LEKR1: variants seen among roughly 807,000 people sequenced by gnomAD.
The protein encoded by LEKR1 is leucine, glutamate and lysine rich 1, also known as protein LEKR1.
A neutral mutation model predicts 72.4 loss-of-function variants in LEKR1; 59 were observed. The ratio of observed to expected loss-of-function variants is 0.82; its 90% CI spans 0.66 to 1.01. LEKR1 has a LOEUF of 1.01. Ranked by LOEUF, LEKR1 falls within the 50% of genes least tolerant of loss-of-function variation. LEKR1 has a pLI of 0.00. For synonymous variants in LEKR1, 257 were observed against 263.2 expected, an observed-to-expected ratio of 0.98 and a Z score of 0.23; for missense variants, 728 against 759.2, an observed-to-expected ratio of 0.96 and a Z score of 0.48.
chr3:156,932,164 G>C (rs1315919617), intron 5 of LEKR1, among the ~76,000 whole-genome samples: 1 of 152,028 alleles, frequency 6.6e-6, no homozygotes, highest in Non-Finnish European at 1.5e-5. Context: ...AATATTAATT[G>C]TAGAATCTAA....
chr3:156,861,630 A>T (rs1716770888), intron 3 of LEKR1, among the ~76,000 whole-genome samples: 1 of 152,096 alleles, frequency 6.6e-6, no homozygotes, highest in Non-Finnish European at 1.5e-5. Flanking sequence ...AACGTTGAGT[A>T]CCATTGTGGA....
chr3:156,924,380 A>T, intron 4 of LEKR1: 1 of 496,436 alleles, frequency 2.0e-6, no homozygotes. Flanking sequence ...CCTTTATATG[A>T]ACTATGATTT....
At chr3:156,897,312 G>C (rs373058863) in intron 3 of LEKR1, among the ~76,000 whole-genome samples, 1 of 152,132 alleles carries the variant, frequency 6.6e-6, no homozygotes, top group Non-Finnish European at 1.5e-5. Flanking sequence ...TTAGTGTGTT[G>C]ATGGAAAGGG....
chr3:157,017,948 C>CAAAAAAAAAAAAAAAAAAAAAAAAAAAAA (rs58950224), intron 10 of LEKR1, among the ~76,000 whole-genome samples: 1 of 82,990 alleles, frequency 1.2e-5, no homozygotes, highest in African/African-American at 7.2e-5. Context: ...GACTCTGTCT[C>CAAAAAAAAAAAAAAAAAAAAAAAAAAAAA]AAAAAAAAAA....
Position 156,993,109 on chromosome 3 carries a change from T to C in LEKR1, c.941T>C (p.Leu314Ser), listed in dbSNP as rs1428286621. ...TMLLKEKEDS[L>S]MTCQQIYKAL... is the part of the protein sequence containing the mutation. ...CTGCTTAAGGAAAAAGAAGACTCTTTAATGACTTGTCAACAGATATATAAA... is the reference window on the plus strand; with the variant it reads ...CTGCTTAAGGAAAAAGAAGACTCTTCAATGACTTGTCAACAGATATATAAA... The change falls in exon 9 of 13, where the codon TTA becomes TCA. Residue 314 changes from leucine (L) to serine (S), a missense_variant. Transcript: ENST00000356539. The C allele has an allele frequency of 1.2e-6, 2 of 1,607,632 alleles. No individual in the cohort carries two copies. Among genetic ancestry groups the C allele is most frequent in the Non-Finnish European group, 8.5e-7 (1 of 1,177,924 alleles).
At chr3:156,911,886 T>C (rs1194610308) in intron 3 of LEKR1, among the ~76,000 whole-genome samples, 1 of 152,188 alleles carries the variant, frequency 6.6e-6, no homozygotes, top group Non-Finnish European at 1.5e-5. Context: ...ACCAGTACTA[T>C]GCTGTTTTAG....
chr3:157,000,909 G>A (rs1731961088), intron 9 of LEKR1, among the ~76,000 whole-genome samples: 3 of 152,174 alleles, frequency 2.0e-5, no homozygotes, highest in South Asian at 2.1e-4. Context: ...TGCTGTTCTT[G>A]TAATAGTGAG....
At chr3:156,948,876 A>G (rs537315518) in intron 6 of LEKR1, among the ~76,000 whole-genome samples, 1 of 151,362 alleles carries the variant, frequency 6.6e-6, no homozygotes, top group Non-Finnish European at 1.5e-5. Flanking sequence ...GTGTGAGGTG[A>G]TATCTCATTG....
At chr3:156,957,723 CT>C (rs1169357177) in intron 6 of LEKR1, among the ~76,000 whole-genome samples, 1 of 151,912 alleles carries the variant, frequency 6.6e-6, no homozygotes, top group Non-Finnish European at 1.5e-5. Flanking sequence ...AGAATATAGC[CT>C]CTTCTAAAAG....
chr3:157,003,808 G>A (rs9875244), intron 9 of LEKR1, among the ~76,000 whole-genome samples: 115,761 of 152,022 alleles, frequency 0.76, 44,283 homozygotes, highest in East Asian at 0.93. Context: ...TATCAACCCT[G>A]TAGCAACCAC....
At chr3:157,036,282 T>G (rs930490290) in intron 12 of LEKR1, among the ~76,000 whole-genome samples, 1 of 152,014 alleles carries the variant, frequency 6.6e-6, no homozygotes, top group Non-Finnish European at 1.5e-5. Context: ...GAGTGAATAT[T>G]AAAATATAAG....
chr3:156,999,133 G>A (rs919593035), intron 9 of LEKR1, among the ~76,000 whole-genome samples: 10 of 152,110 alleles, frequency 6.6e-5, no homozygotes, highest in African/African-American at 2.2e-4. Context: ...CTCCATGATT[G>A]TAAGTTTCCT....
chr3:156,837,159 A>G (rs1057306628), intron 2 of LEKR1, among the ~76,000 whole-genome samples: 1 of 152,250 alleles, frequency 6.6e-6, no homozygotes, highest in African/African-American at 2.4e-5. Flanking sequence ...CCAGGATTTT[A>G]TCATATAAGC....
intron 3 of LEKR1, among the ~76,000 whole-genome samples, chr3:156,855,083 T>C (rs1413474961): frequency 6.6e-6 from 1 of 152,208 alleles, no homozygotes; most frequent in Non-Finnish European, 1.5e-5. Flanking sequence ...TCAACATTTA[T>C]ATTATTTCCA....
intron 6 of LEKR1, among the ~76,000 whole-genome samples, chr3:156,958,845 A>AT (rs556109694): frequency 8.6e-4 from 123 of 142,308 alleles, no homozygotes; most frequent in Non-Finnish European, 1.8e-3. Flanking sequence ...TCAACAAGGT[A>AT]TTTTTTTTGT....
At chr3:157,010,643 T>A (rs1431497813) in intron 9 of LEKR1, among the ~76,000 whole-genome samples, 1 of 152,084 alleles carries the variant, frequency 6.6e-6, no homozygotes, top group Non-Finnish European at 1.5e-5. Context: ...AGAAGAGTCA[T>A]AGTGATCATG....
intron 3 of LEKR1, among the ~76,000 whole-genome samples, chr3:156,892,126 T>C (rs1720727897): frequency 6.6e-6 from 1 of 151,636 alleles, no homozygotes; most frequent in Non-Finnish European, 1.5e-5. Context: ...TCAGGATTGG[T>C]CCCAACAATC....
At chr3:156,931,957 T>C (rs1185108316) in intron 5 of LEKR1, among the ~76,000 whole-genome samples, 1 of 152,114 alleles carries the variant, frequency 6.6e-6, no homozygotes, top group African/African-American at 2.4e-5. Flanking sequence ...CACTTGAGAT[T>C]TGTACAATTC....
chr3:156,878,908 C>T (rs980871886), intron 3 of LEKR1, among the ~76,000 whole-genome samples: 11 of 152,186 alleles, frequency 7.2e-5, no homozygotes, highest in South Asian at 2.1e-4. Context: ...CTCATTCTCT[C>T]TTGTCTGCTG....
Sources: gnomAD v4.1 joint callset for allele counts (sites outside exome capture counted in the v4.1 genomes callset) on GRCh38, gnomAD v4.1.1 for gene constraint, MANE v1.5 for transcripts, NCBI Gene and HGNC (gene_info 2026-07-23, HGNC 2026-07-21) for gene names.